The following DNM2 variants were observed in gnomAD, a reference collection of about 807,000 sequenced individuals.
DNM2 encodes dynamin-2.
In DNM2, 15 loss-of-function variants were observed where a neutral mutation model predicts 99.0. The observed-to-expected ratio is 0.15, with a 90% confidence interval of 0.10 to 0.23. DNM2 has a LOEUF of 0.23. Ranked by LOEUF, DNM2 falls within the 10% of genes least tolerant of loss-of-function variation. The pLI is 1.00. For synonymous variants in DNM2, 525 were observed against 481.2 expected, an observed-to-expected ratio of 1.09 and a Z score of -1.19; for missense variants, 742 against 1,189.4, an observed-to-expected ratio of 0.62 and a Z score of 5.53.
intron 1 of DNM2, among the ~76,000 whole-genome samples, chr19:10,726,756 C>T (rs184429673): frequency 6.6e-6 from 1 of 152,036 alleles, no homozygotes; most frequent in African/African-American, 2.4e-5. Flanking sequence ...CCCAGCTATT[C>T]GGGAGGCTGA....
intron 19 of DNM2, 130 bp downstream of exon 19, chr19:10,829,398 G>C (rs1450105552): frequency 8.3e-7 from 1 of 1,203,772 alleles, no homozygotes; most frequent in Non-Finnish European, 1.2e-6. Flanking sequence ...GGGCACTGTG[G>C]GAGCTGCTGC....
chr19:10,791,128 G>A (rs1424827856), intron 7 of DNM2, among the ~76,000 whole-genome samples: 1 of 151,796 alleles, frequency 6.6e-6, no homozygotes, highest in Non-Finnish European at 1.5e-5. Flanking sequence ...TTGTTCTGTT[G>A]CCCAGGCTGG....
At chr19:10,813,617 G>GGTTCAAGACCA (rs2072628904) in intron 15 of DNM2, among the ~76,000 whole-genome samples, 1 of 150,876 alleles carries the variant, frequency 6.6e-6, no homozygotes, top group Non-Finnish European at 1.5e-5. Context: ...TGAGTTCAGG[G>GGTTCAAGACCA]GTTCAAGACC....
intron 1 of DNM2, among the ~76,000 whole-genome samples, chr19:10,735,262 T>C (rs1433695358): frequency 6.6e-6 from 1 of 152,028 alleles, no homozygotes; most frequent in Non-Finnish European, 1.5e-5. Context: ...ATGGTCTCGA[T>C]CTCCTGACCT....
In DNM2 at chr19:10,830,851, G is replaced by T; in HGVS notation, c.2544-127G>T. 2.5e-6 allele frequency: 3 copies of T among 1,189,626 alleles called. No homozygotes were observed. In the East Asian group the frequency reaches 8.3e-5, roughly 33 times the overall value. The allele number at this position is 1,189,626 out of a possible 1,614,324, so 73.7% of individuals were successfully genotyped here. A position where few individuals can be genotyped will look rare whatever the true frequency, so the allele number is the denominator to read the frequency against. On this transcript the variant is annotated intron_variant, in intron 20 of 20. Transcript: ENST00000389253. The surrounding 1 kb of genome is among the most constrained non-coding windows in gnomAD (Gnocchi z 4.8). ...CCTGCCCGACACCCTGGTGGCTTGCGGAGGTCAGCCTGGGAACACCCTGGG... is the reference window on the plus strand; with the variant it reads ...CCTGCCCGACACCCTGGTGGCTTGCTGAGGTCAGCCTGGGAACACCCTGGG...
chr19:10,800,362 C>T (rs1258714482), intron 11 of DNM2, among the ~76,000 whole-genome samples: 2 of 152,168 alleles, frequency 1.3e-5, no homozygotes, highest in Non-Finnish European at 2.9e-5. Flanking sequence ...CCTCAGGGCA[C>T]CAGTCCACCT....
At chr19:10,814,453 A>C (rs2072665313) in intron 15 of DNM2, among the ~76,000 whole-genome samples, 2 of 151,818 alleles carry the variant, frequency 1.3e-5, no homozygotes, top group African/African-American at 4.8e-5. Context: ...AACAAGAGTG[A>C]AAGTGTGTCT....
At chr19:10,784,917 A>G (rs977836885) in intron 6 of DNM2, among the ~76,000 whole-genome samples, 7 of 125,790 alleles carry the variant, frequency 5.6e-5, no homozygotes, top group African/African-American at 2.2e-4. Context: ...TCCACCTCCC[A>G]GGTTCAAGTG....
Position 10,830,837 on chromosome 19 carries a change from C to T in DNM2, c.2544-141C>T. ...CTAGGTTTGGCACTCCTGCCCGACA[C>T]CCTGGTGGCTTGCGGAGGTCAGCCT... On this transcript the variant is annotated intron_variant, in intron 20 of 20. Coordinates refer to ENST00000389253, the MANE Select transcript of DNM2 (RefSeq NM_001005361.3). This position sits in a 1 kb window ranked among gnomAD's most constrained non-coding sequence, Gnocchi z 4.8. 1 of 1,058,970 alleles carries T rather than the reference C, an allele frequency of 9.4e-7. No homozygotes were observed. Among genetic ancestry groups the T allele is most frequent in the Non-Finnish European group, 1.3e-6 (1 of 749,244 alleles). 65.6% of individuals were successfully genotyped at this position (1,058,970 alleles called of 1,614,324 possible).
intron 14 of DNM2, chr19:10,808,913 C>G: frequency 3.2e-6 from 1 of 307,896 alleles, no homozygotes; most frequent in Non-Finnish European, 6.1e-6. Context: ...TGTGGAAGAT[C>G]TCGCTTAAGC....
chr19:10,767,952 A>G (rs1459333527), intron 2 of DNM2, among the ~76,000 whole-genome samples: 1 of 152,052 alleles, frequency 6.6e-6, no homozygotes, highest in East Asian at 1.9e-4. Context: ...TTCAGCATTT[A>G]CTTTCACCAT....
intron 2 of DNM2, among the ~76,000 whole-genome samples, chr19:10,766,968 G>A (rs988998518): frequency 6.6e-6 from 1 of 152,152 alleles, no homozygotes; most frequent in African/African-American, 2.4e-5. Context: ...GGTGACAGTG[G>A]GGGTGTGTGT....
intron 15 of DNM2, among the ~76,000 whole-genome samples, chr19:10,813,825 C>CA (rs371141451): frequency 0.29 from 33,446 of 114,786 alleles, 4,315 homozygotes; most frequent in Middle Eastern, 0.43. Flanking sequence ...GACACTGTCT[C>CA]AAAAAAAAAA....
chr19:10,791,262 A>T (rs2071743580), intron 7 of DNM2, among the ~76,000 whole-genome samples: 1 of 151,388 alleles, frequency 6.6e-6, no homozygotes, highest in South Asian at 2.1e-4. Context: ...CTAATTTTTA[A>T]AGTATTTCTA....
At chr19:10,743,286 A>G (rs1020822860) in intron 1 of DNM2, among the ~76,000 whole-genome samples, 3 of 151,910 alleles carry the variant, frequency 2.0e-5, no homozygotes, top group African/African-American at 7.2e-5. Context: ...GAGGCAGGGC[A>G]GTGAACAAGA....
In DNM2 at chr19:10,795,512, C is replaced by G; in HGVS notation, c.1196+73C>G. 6.5e-7 allele frequency: 1 copy of G among 1,548,104 alleles called. No individual in the cohort carries two copies. The highest frequency in any genetic ancestry group is 1.1e-5 in the South Asian group (1 of 89,720). ...CGACCCCCCAGCTAATTGGGTCACCCACACCTCTGAGTCCCTAATCGTTAG... is the reference window on the plus strand; with the variant it reads ...CGACCCCCCAGCTAATTGGGTCACCGACACCTCTGAGTCCCTAATCGTTAG... On this transcript the variant is annotated intron_variant, in intron 9 of 20. Coordinates refer to ENST00000389253, the MANE Select transcript of DNM2 (RefSeq NM_001005361.3). This position sits in a 1 kb window ranked among gnomAD's most constrained non-coding sequence, Gnocchi z 4.2.
intron 1 of DNM2, among the ~76,000 whole-genome samples, chr19:10,727,974 A>G (rs1428195197): frequency 1.3e-5 from 2 of 152,220 alleles, no homozygotes; most frequent in Non-Finnish European, 2.9e-5. Flanking sequence ...ATTAGCTACA[A>G]TCTGAATAAA....
At chr19:10,780,788 C>T (rs998081363) in intron 5 of DNM2, among the ~76,000 whole-genome samples, 1 of 152,006 alleles carries the variant, frequency 6.6e-6, no homozygotes, top group Non-Finnish European at 1.5e-5. Context: ...CCAGGCTGGG[C>T]ACAGTGGCTC....
chr19:10,718,418 C>G lies in DNM2; in HGVS notation c.161+15C>G, dbSNP rs778544871. 6 of 1,446,920 alleles carry G rather than the reference C, an allele frequency of 4.1e-6. No individual in the cohort carries two copies. The Admixed American group carries it at 1.3e-4, about 31-fold the overall frequency. The allele number at this position is 1,446,920 out of a possible 1,614,324, so 89.6% of individuals were successfully genotyped here. On this transcript the variant is annotated intron_variant, in intron 1 of 20. Transcript: ENST00000389253. ...TTCGTGGGCCGGTGAGCGGGCGCGG[C>G]AGGGATCGCGGGCGGGTGGCGGCCT... is the stretch of plus-strand genomic sequence containing the variant.
Sources: allele counts gnomAD v4.1 joint callset (sites outside exome capture counted in the v4.1 genomes callset), GRCh38; gene constraint gnomAD v4.1.1; non-coding constraint Gnocchi (gnomAD v3.1); transcripts MANE v1.5; gene names NCBI Gene and HGNC (gene_info 2026-07-23, HGNC 2026-07-21).